The following LIMCH1 variants were observed in gnomAD, a reference collection of about 807,000 sequenced individuals.
LIMCH1 encodes the protein LIM and calponin homology domains-containing protein 1.
In LIMCH1, 113 loss-of-function variants were observed where a neutral mutation model predicts 176.5. The observed-to-expected ratio is 0.64, with a 90% CI of 0.55 to 0.75. The LOEUF is 0.75. LIMCH1 is among the 30% of genes least tolerant of loss of function. LIMCH1 has a pLI of 0.00. For missense variants in LIMCH1, 1,674 were observed against 1,814.9 expected (o/e 0.92, Z 1.41); for synonymous variants, 619 against 645.9 (o/e 0.96, Z 0.63).
chr4:41,459,881 G>A (rs2065079107), intron 1 of LIMCH1, among the ~76,000 whole-genome samples: 1 of 152,110 alleles, frequency 6.6e-6, no homozygotes, highest in African/African-American at 2.4e-5. Context: ...AGAGCATGGA[G>A]GAGAAATGAC....
chr4:41,497,960 G>T (rs1463800996), intron 2 of LIMCH1, among the ~76,000 whole-genome samples: 1 of 152,152 alleles, frequency 6.6e-6, no homozygotes, highest in Non-Finnish European at 1.5e-5. Flanking sequence ...ACCTAAGTTT[G>T]GGGAAGGTGG....
intron 1 of LIMCH1, among the ~76,000 whole-genome samples, chr4:41,436,716 T>C (rs1235046504): frequency 6.6e-6 from 1 of 152,148 alleles, no homozygotes; most frequent in African/African-American, 2.4e-5. Flanking sequence ...CAAGGAGCCT[T>C]CGTGTGTGTT....
At chr4:41,445,789 C>G (rs1177712343) in intron 1 of LIMCH1, among the ~76,000 whole-genome samples, 1 of 152,150 alleles carries the variant, frequency 6.6e-6, no homozygotes, top group African/African-American at 2.4e-5. Context: ...ACTGACCTTT[C>G]TATCTTGCTT....
chr4:41,695,610 T>C (rs1730045912), intron 31 of LIMCH1, among the ~76,000 whole-genome samples: 1 of 152,166 alleles, frequency 6.6e-6, no homozygotes, highest in African/African-American at 2.4e-5. Flanking sequence ...TCATAATATG[T>C]TTTAATATTG....
rs529967121 is a variant in LIMCH1 at position 41,599,328 on chromosome 4, A to C, written c.-134+302A>C. Reference sequence around the variant, plus strand: ...GCAAGAAAGAAATAGGCACAGAATCAGTGTGTTAGACAAAAAACTTTTATT... The same window carrying C: ...GCAAGAAAGAAATAGGCACAGAATCCGTGTGTTAGACAAAAAACTTTTATT... On this transcript the variant is annotated intron_variant, in intron 2 of 31. Coordinates refer to ENST00000503057, the MANE Select transcript of LIMCH1 (RefSeq NM_001330672.2). Among the ~76,000 whole-genome samples the C allele has an allele frequency of 5.9e-5, 9 of 152,326 alleles. No individual in the cohort carries two copies. In the South Asian group the frequency reaches 1.9e-3, roughly 32 times the overall value.
chr4:41,648,060 G>C lies in LIMCH1; in HGVS notation c.2820+1167G>C, dbSNP rs1429800273. On this transcript the variant is annotated intron_variant, in intron 17 of 31. Coordinates refer to ENST00000503057, the MANE Select transcript of LIMCH1 (RefSeq NM_001330672.2). ...AATCATATGGACTCACACACACACA[G>C]ATAGACACACACATGCTCATGTGTG... 2.0e-5 allele frequency among the ~76,000 whole-genome samples: 3 copies of C among 152,144 alleles called. No homozygotes were observed. The East Asian group carries it at 5.8e-4, about 29-fold the overall frequency.
intron 1 of LIMCH1, among the ~76,000 whole-genome samples, chr4:41,413,937 C>T (rs912552319): frequency 2.0e-5 from 3 of 152,094 alleles, no homozygotes; most frequent in African/African-American, 2.4e-5. Flanking sequence ...GCAGTTTTAA[C>T]GCAGACCTTA....
At chr4:41,421,464 T>C (rs1462816030) in intron 1 of LIMCH1, among the ~76,000 whole-genome samples, 1 of 152,204 alleles carries the variant, frequency 6.6e-6, no homozygotes, top group East Asian at 1.9e-4. Context: ...TTTTAAAACA[T>C]AAACTCAGAA....
At chr4:41,382,914 C>A (rs894043709) in intron 1 of LIMCH1, among the ~76,000 whole-genome samples, 1 of 152,154 alleles carries the variant, frequency 6.6e-6, no homozygotes. Flanking sequence ...CCTCAGCCAC[C>A]CAAGTAGCTG....
intron 1 of LIMCH1, among the ~76,000 whole-genome samples, chr4:41,464,370 C>CT (rs753362999): frequency 0.052 from 7,243 of 139,058 alleles, 402 homozygotes; most frequent in African/African-American, 0.13. Context: ...TTCTTTTTTT[C>CT]TTTTTTTTTT....
Position 41,650,428 on chromosome 4 carries a change from T to C in LIMCH1, c.2856T>C (p.Val952=), listed in dbSNP as rs748444231. 5 of 1,613,998 alleles carry C rather than the reference T, an allele frequency of 3.1e-6. No homozygotes were observed. In the South Asian group the frequency reaches 4.4e-5, roughly 14 times the overall value. ...DGKVSVNGET[V]HREEEKEREC... ...AAGTCAGTGTGAATGGAGAGACGGTTCATAGAGAGGAGGAGAAGGAAAGAG... is the reference window on the plus strand; with the variant it reads ...AAGTCAGTGTGAATGGAGAGACGGTCCATAGAGAGGAGGAGAAGGAAAGAG... Residue 952 remains valine, a synonymous_variant, in exon 18 of 32, where the codon GTT becomes GTC. Transcript: ENST00000503057.
chr4:41,606,209 G>C lies in LIMCH1; in HGVS notation c.9+205G>C, dbSNP rs147620497. Among the ~76,000 whole-genome samples the C allele has an allele frequency of 5.2e-3, 799 of 152,298 alleles. 9 individuals are homozygous for C. The highest frequency in any genetic ancestry group is 0.018 in the African/African-American group (765 of 41,546). ...TACCTGCACTTTCATACCCTTCAGAGAACAGGAGTTCTGAGCTCCATCCAA... is the reference window on the plus strand; with the variant it reads ...TACCTGCACTTTCATACCCTTCAGACAACAGGAGTTCTGAGCTCCATCCAA... On this transcript the variant is annotated intron_variant, in intron 4 of 31. Transcript: ENST00000503057.
At chr4:41,507,498 G>A (rs535517379) in intron 2 of LIMCH1, among the ~76,000 whole-genome samples, 5 of 152,266 alleles carry the variant, frequency 3.3e-5, no homozygotes, top group Admixed American at 2.0e-4. Flanking sequence ...GGAGTTCTGC[G>A]TCAGCAACTG....
chr4:41,548,079 C>CGTAGCAT (rs2079850788), intron 1 of LIMCH1, among the ~76,000 whole-genome samples: 1 of 151,606 alleles, frequency 6.6e-6, no homozygotes, highest in Non-Finnish European at 1.5e-5. Flanking sequence ...TATGGATCAA[C>CGTAGCAT]GTAGCATGTT....
upstream of LIMCH1, among the ~76,000 whole-genome samples, chr4:41,534,440 T>G (rs1209483873): frequency 2.0e-5 from 3 of 152,236 alleles, no homozygotes; most frequent in Admixed American, 6.5e-5. Context: ...ATTTTGGACT[T>G]GAGCAGTGTG....
At chr4:41,554,857 C>T (rs1482189542) in intron 1 of LIMCH1, among the ~76,000 whole-genome samples, 1 of 152,098 alleles carries the variant, frequency 6.6e-6, no homozygotes, top group African/African-American at 2.4e-5. Flanking sequence ...TATTAGGTGT[C>T]GAGCACTGTG....
Position 41,646,416 on chromosome 4 carries a change from G to A in LIMCH1, c.2412-69G>A, listed in dbSNP as rs532910472. ...GTACTATCTCTTCAGTGCTACCTTC[G>A]TTTCTACCAAGGTCTTCTTTGCAAT... On this transcript the variant is annotated intron_variant, in intron 16 of 31. Transcript: ENST00000503057. 6.6e-5 allele frequency: 103 copies of A among 1,558,046 alleles called. 1 individual carries two copies. The East Asian group carries it at 1.6e-3, about 24-fold the overall frequency.
chr4:41,680,165 T>G, intron 24 of LIMCH1, 67 bp downstream of exon 24: 5 of 1,076,466 alleles, frequency 4.6e-6, no homozygotes, highest in Non-Finnish European at 7.0e-6. Context: ...CAACACTCTC[T>G]GTGTCTGTGG....
At chr4:41,696,953 A>G (rs563517688) in intron 31 of LIMCH1, among the ~76,000 whole-genome samples, 48 of 152,280 alleles carry the variant, frequency 3.2e-4, no homozygotes, top group African/African-American at 1.2e-3. Context: ...AATGCGGCTT[A>G]AGAGCCCGGA....
Sources: gnomAD v4.1 joint callset for allele counts (sites outside exome capture counted in the v4.1 genomes callset) on GRCh38, gnomAD v4.1.1 for gene constraint, MANE v1.5 for transcripts, NCBI Gene and HGNC (gene_info 2026-07-23, HGNC 2026-07-21) for gene names.